The following BRCA2 variants were observed in gnomAD, a reference collection of about 807,000 sequenced individuals.
BRCA2 encodes BRCA2 DNA repair associated, also known as breast cancer type 2 susceptibility protein.
In BRCA2, 203 loss-of-function variants were observed where a neutral mutation model predicts 276.7. That is an observed-to-expected ratio of 0.73 (90% CI 0.65 to 0.82). The LOEUF (loss-of-function observed/expected upper bound fraction) is 0.82. BRCA2 is among the 40% of genes least tolerant of loss of function. The pLI is 0.00. For synonymous variants in BRCA2, 1,289 were observed against 1,338.4 expected (o/e 0.96, Z 0.81); for missense variants, 3,920 against 3,915.0 (o/e 1.00, Z -0.03).
Position 32,370,436 on chromosome 13 carries a change from A to G in BRCA2, c.8366A>G (p.Tyr2789Cys), listed in dbSNP as rs398122603. 4 of 1,614,028 alleles carry G rather than the reference A, an allele frequency of 2.5e-6. No homozygotes were observed. The Admixed American group carries it at 6.7e-5, about 27-fold the overall frequency. Residue 2789 changes from tyrosine (Y) to cysteine (C), a missense_variant, in exon 19 of 27, where the codon TAT (tyrosine) becomes TGT (cysteine). Transcript: ENST00000380152. Reference sequence around the variant, plus strand: ...AACAGTACTCGGCCTGCTCGCTGGTATACCAAACTTGGATTCTTTCCTGAC... The same window carrying G: ...AACAGTACTCGGCCTGCTCGCTGGTGTACCAAACTTGGATTCTTTCCTGAC... Reference protein sequence around the residue: ...SANSTRPARWYTKLGFFPDPR... With the variant: ...SANSTRPARWCTKLGFFPDPR...
At chr13:32,373,653 C>T (rs2072851619) in intron 20 of BRCA2, among the ~76,000 whole-genome samples, 1 of 152,244 alleles carries the variant, frequency 6.6e-6, no homozygotes, top group Non-Finnish European at 1.5e-5. Flanking sequence ...GCTCCCACGG[C>T]CTTGGGCAGC....
At chr13:32,365,259 C>T (rs1211712419) in intron 18 of BRCA2, among the ~76,000 whole-genome samples, 1 of 151,676 alleles carries the variant, frequency 6.6e-6, no homozygotes, top group African/African-American at 2.4e-5. Flanking sequence ...GCTTTAGCCT[C>T]CGAGAGTGCT....
intron 12 of BRCA2, among the ~76,000 whole-genome samples, chr13:32,344,865 T>C (rs2072600775): frequency 6.6e-6 from 1 of 152,128 alleles, no homozygotes; most frequent in Admixed American, 6.5e-5. Flanking sequence ...ATTTACCATA[T>C]TAGAAATGTA....
At chr13:32,397,568 C>T (rs932212298) in intron 26 of BRCA2, among the ~76,000 whole-genome samples, 4 of 109,888 alleles carry the variant, frequency 3.6e-5, no homozygotes, top group Admixed American at 1.9e-4. Context: ...ATAACAAAAC[C>T]ATTTTTTTTT....
At position 32,325,195 on chromosome 13, in the gene BRCA2, G is replaced by T. The variant is rs2137447154; in HGVS notation, c.425+11G>T. The T allele has an allele frequency of 6.7e-7, 1 of 1,489,378 alleles. No homozygotes were observed. The highest frequency in any genetic ancestry group is 1.1e-5 in the South Asian group (1 of 87,232). 92.3% of individuals were successfully genotyped at this position (1,489,378 alleles called of 1,614,324 possible). A position where few individuals can be genotyped will look rare whatever the true frequency, so the allele number is the denominator to read the frequency against. On this transcript the variant is annotated intron_variant, in intron 4 of 26. Coordinates refer to ENST00000380152, the MANE Select transcript of BRCA2 (RefSeq NM_000059.4). ...TTGTCTTAGTGAAAGGTATGATGAAGCTATTATATTAAAATATTTAAATGA... is the reference window on the plus strand; with the variant it reads ...TTGTCTTAGTGAAAGGTATGATGAATCTATTATATTAAAATATTTAAATGA...
At chr13:32,325,224 A>G in intron 4 of BRCA2, 40 bp downstream of exon 4, 1 of 1,355,680 alleles carries the variant, frequency 7.4e-7, no homozygotes, top group Non-Finnish European at 1.0e-6. Context: ...TAAATGAAAC[A>G]TTTTCCTACA....
chr13:32,329,105 T>C (rs1566220363), intron 7 of BRCA2, among the ~76,000 whole-genome samples: 1 of 152,208 alleles, frequency 6.6e-6, no homozygotes, highest in Admixed American at 6.5e-5. Context: ...GGCTGTAGTG[T>C]TGTCTAAATG....
chr13:32,321,010 G>T (rs2072302576), intron 3 of BRCA2, among the ~76,000 whole-genome samples: 2 of 152,162 alleles, frequency 1.3e-5, no homozygotes, highest in Admixed American at 1.3e-4. Flanking sequence ...AAAACTGGAG[G>T]TAGGAAGATC....
At chr13:32,360,976 A>T (rs2072734298) in intron 16 of BRCA2, among the ~76,000 whole-genome samples, 1 of 152,208 alleles carries the variant, frequency 6.6e-6, no homozygotes, top group South Asian at 2.1e-4. Context: ...CCAAAGATGG[A>T]GGGAAATGGA....
intron 10 of BRCA2, among the ~76,000 whole-genome samples, chr13:32,333,814 C>G (rs2072429069): frequency 6.6e-6 from 1 of 152,136 alleles, no homozygotes; most frequent in Non-Finnish European, 1.5e-5. Context: ...TTGTTCCCCT[C>G]CCTGTGTCCG....
intron 16 of BRCA2, among the ~76,000 whole-genome samples, chr13:32,358,208 G>A (rs1377349922): frequency 6.6e-6 from 1 of 152,200 alleles, no homozygotes; most frequent in Non-Finnish European, 1.5e-5. Flanking sequence ...GGGTACAGTG[G>A]CTCATGCCTG....
intron 7 of BRCA2, among the ~76,000 whole-genome samples, chr13:32,327,826 T>A (rs1593888260): frequency 6.6e-6 from 1 of 151,790 alleles, no homozygotes. Context: ...TGGAGTGCAG[T>A]GGCACCGTCG....
intron 15 of BRCA2, 68 bp from the exon 16 acceptor site, chr13:32,357,674 G>T: frequency 6.6e-7 from 1 of 1,513,326 alleles, no homozygotes. Flanking sequence ...TGTTATAATT[G>T]TTTTTATTGT....
At chr13:32,390,071 C>A (rs942038774) in intron 24 of BRCA2, among the ~76,000 whole-genome samples, 2 of 152,074 alleles carry the variant, frequency 1.3e-5, no homozygotes, top group African/African-American at 4.8e-5. Flanking sequence ...GTGAATGTTT[C>A]CTTTTTAAAA....
At chr13:32,346,320 T>C (rs907901610) in intron 12 of BRCA2, among the ~76,000 whole-genome samples, 10 of 152,058 alleles carry the variant, frequency 6.6e-5, no homozygotes, top group Non-Finnish European at 1.5e-4. Flanking sequence ...AAGAATTATT[T>C]GGAGATGACT....
At position 32,340,549 on chromosome 13, in the gene BRCA2, A is replaced by C; in HGVS notation, c.6194A>C (p.Gln2065Pro). 6.2e-7 allele frequency: 1 copy of C among 1,612,996 alleles called. No individual in the cohort carries two copies. The highest frequency in any genetic ancestry group is 1.1e-5 in the South Asian group (1 of 90,950). Residue 2065 changes from glutamine (Q) to proline (P), a missense_variant, in exon 11 of 27, where the codon CAA (glutamine) becomes CCA (proline). By Grantham distance (76) the Gln-to-Pro change is moderately conservative. Around this residue, in one of 2 missense-constraint regions of BRCA2, gnomAD observed 3,263 missense variants for 3,156.9 expected, o/e 1.03. Transcript: ENST00000380152. Reference protein sequence around the residue: ...FSGFSTASGKQVSILESSLHK... With the variant: ...FSGFSTASGKPVSILESSLHK... ...GGATTTAGTACAGCAAGTGGAAAGC[A>C]AGTTTCCATTTTAGAAAGTTCCTTA...
chr13:32,392,164 G>A (rs2073001046), intron 24 of BRCA2, among the ~76,000 whole-genome samples: 1 of 152,086 alleles, frequency 6.6e-6, no homozygotes, highest in African/African-American at 2.4e-5. Context: ...AAGAAAAGAT[G>A]AACCATCATT....
rs431825339 is a variant in BRCA2 at position 32,326,620 on chromosome 13, A to G, written c.631+7A>G. Reference sequence around the variant, plus strand: ...AGTTCTACTGTGCTCATAGGTAATAATAGCAAATGTGTATTTACAAGAAAG... The same window carrying G: ...AGTTCTACTGTGCTCATAGGTAATAGTAGCAAATGTGTATTTACAAGAAAG... On this transcript the variant is annotated splice_region_variant and intron_variant, in intron 7 of 26. Transcript: ENST00000380152. 1 of 1,562,542 alleles carries G rather than the reference A, an allele frequency of 6.4e-7. No individual in the cohort carries two copies. Among genetic ancestry groups the G allele is most frequent in the Middle Eastern group, 1.7e-4 (1 of 5,946 alleles).
intron 24 of BRCA2, among the ~76,000 whole-genome samples, chr13:32,382,667 TAAGAG>T (rs1420737994): frequency 6.6e-6 from 1 of 152,182 alleles, no homozygotes; most frequent in Non-Finnish European, 1.5e-5. Flanking sequence ...ATTTTTGCTT[TAAGAG>T]AAGAAGAGAA....
Sources: gnomAD v4.1 joint callset for allele counts (sites outside exome capture counted in the v4.1 genomes callset) on GRCh38, gnomAD v4.1.1 for gene constraint, gnomAD v4.1.1 regional missense constraint, MANE v1.5 for transcripts, NCBI Gene and HGNC (gene_info 2026-07-23, HGNC 2026-07-21) for gene names.